The following ATP11B variants were observed in gnomAD, a reference collection of about 807,000 sequenced individuals.
ATP11B encodes the protein phospholipid-transporting ATPase IF.
A neutral mutation model predicts 157.8 loss-of-function variants in ATP11B; 81 were observed. The ratio of observed to expected loss-of-function variants is 0.51; its 90% confidence interval spans 0.43 to 0.62. ATP11B has a LOEUF of 0.62. Ranked by LOEUF, ATP11B falls within the 20% of genes least tolerant of loss-of-function variation. The pLI is 0.00. For missense variants in ATP11B, 1,165 were observed against 1,402.2 expected (o/e 0.83, Z 2.70); for synonymous variants, 451 against 469.4 (o/e 0.96, Z 0.51).
In ATP11B at chr3:182,866,295, G is replaced by A; in HGVS notation, c.1471G>A (p.Ala491Thr). The A allele has an allele frequency of 1.3e-6, 2 of 1,590,430 alleles. No individual in the cohort carries two copies. Among genetic ancestry groups the A allele is most frequent in the Admixed American group, 1.7e-5 (1 of 57,584 alleles). ...TAAAGAACATGATCTCTTCTTTAAA[G>A]CAGTCAGTCTCTGTCACACTGTACA... ...LIKEHDLFFK[A>T]VSLCHTVQIS... The change falls in exon 14 of 30, where the codon GCA (alanine) becomes ACA (threonine). Residue 491 changes from alanine (A) to threonine (T), a missense_variant. By Grantham distance (58) the Ala-to-Thr change is moderately conservative (BLOSUM62 0). Transcript: ENST00000323116.
At position 182,884,848 on chromosome 3, in the gene ATP11B, C is replaced by A; in HGVS notation, c.2605C>A (p.His869Asn). The A allele has an allele frequency of 6.4e-7, 1 of 1,567,184 alleles. No homozygotes were observed. The highest frequency in any genetic ancestry group is 1.1e-5 in the South Asian group (1 of 87,466). ...FLSKLLFVHGHFYYIRIATLV... is the reference protein window; with the variant it reads ...FLSKLLFVHGNFYYIRIATLV... The stretch of plus-strand genomic sequence containing the variant: ...CTCCAAATTGCTTTTTGTTCATGGT[C>A]ATTTTTATTATATTAGAATAGCTAC... The change falls in exon 22 of 30, where the codon CAT becomes AAT. Residue 869 changes from histidine to asparagine, a missense_variant. By Grantham distance (68) the His-to-Asn change is moderately conservative (BLOSUM62 1). Coordinates refer to ENST00000323116, the MANE Select transcript of ATP11B (RefSeq NM_014616.3).
At position 182,920,495 on chromosome 3, in the gene ATP11B, ATTTC is replaced by A. The variant is rs1037072216; in HGVS notation, c.*2395_*2398del. 6.6e-6 allele frequency: 1 copy of A among 152,234 alleles called. No homozygotes were observed. The highest frequency in any genetic ancestry group is 2.4e-5 in the African/African-American group (1 of 41,466). The allele number at this position is 152,234 out of a possible 1,614,324, so 9.4% of individuals were successfully genotyped here. A position where few individuals can be genotyped will look rare whatever the true frequency, so the allele number is the denominator to read the frequency against. ...CACAAGGAAAGTGTCCCCTTTGCAT[ATTTC>A]TTTAAAATTCTTTCTTTGGAAAGTA... On this transcript the variant is annotated 3_prime_UTR_variant, in exon 30 of 30. Coordinates refer to ENST00000323116, the MANE Select transcript of ATP11B (RefSeq NM_014616.3).
At chr3:182,805,640 T>A (rs1441529403) in intron 1 of ATP11B, among the ~76,000 whole-genome samples, 3 of 151,170 alleles carry the variant, frequency 2.0e-5, no homozygotes, top group Admixed American at 6.6e-5. Flanking sequence ...TTTTTTTTTT[T>A]AGTAATGATG....
At chr3:182,817,824 C>T (rs1266960618) in intron 1 of ATP11B, among the ~76,000 whole-genome samples, 2 of 151,636 alleles carry the variant, frequency 1.3e-5, no homozygotes, top group African/African-American at 4.9e-5. Flanking sequence ...TTTAGATGTA[C>T]ATAAATTCTG....
chr3:182,912,877 G>A (rs1270996983), intron 28 of ATP11B, among the ~76,000 whole-genome samples: 5 of 151,946 alleles, frequency 3.3e-5, no homozygotes. Flanking sequence ...TGTTATATAT[G>A]TAAAAGAAGG....
In ATP11B at chr3:182,913,881, T is replaced by C; in HGVS notation, c.3339T>C (p.Gly1113=). 6.2e-7 allele frequency: 1 copy of C among 1,614,130 alleles called. No individual in the cohort carries two copies. Among genetic ancestry groups the C allele is most frequent in the Non-Finnish European group, 8.5e-7 (1 of 1,179,970 alleles). Reference sequence around the variant, plus strand: ...CGCAGCTTACTGAAACAAATGCAGGTATCAAGTGCTTGGACTCCATGTGCT... The same window carrying C: ...CGCAGCTTACTGAAACAAATGCAGGCATCAAGTGCTTGGACTCCATGTGCT... The part of the protein sequence containing the change: ...EKAQLTETNA[G]IKCLDSMCCF... The change falls in exon 29 of 30, where the codon GGT becomes GGC. Residue 1113 remains glycine, a synonymous_variant. Transcript: ENST00000323116.
intron 11 of ATP11B, among the ~76,000 whole-genome samples, chr3:182,858,558 A>C (rs1720599430): frequency 6.6e-6 from 1 of 152,204 alleles, no homozygotes; most frequent in Non-Finnish European, 1.5e-5. Flanking sequence ...TTGTATTGGA[A>C]GACAAATTTG....
intron 1 of ATP11B, among the ~76,000 whole-genome samples, chr3:182,795,034 CAA>C (rs10582019): frequency 0.13 from 18,288 of 139,030 alleles, 1,247 homozygotes; most frequent in African/African-American, 0.19. Flanking sequence ...GCATCATTCT[CAA>C]AAAAAAAAAA....
intron 23 of ATP11B, among the ~76,000 whole-genome samples, chr3:182,886,439 A>C (rs1042687659): frequency 6.6e-6 from 1 of 152,114 alleles, no homozygotes; most frequent in Non-Finnish European, 1.5e-5. Context: ...TTTATCTCAG[A>C]AGCTACCTTT....
chr3:182,809,270 A>C (rs537127435), intron 1 of ATP11B, among the ~76,000 whole-genome samples: 2 of 151,786 alleles, frequency 1.3e-5, no homozygotes, highest in South Asian at 4.2e-4. Context: ...TTTTATTGAG[A>C]CAGACTTTTG....
In ATP11B at chr3:182,891,380, C is replaced by A. The variant is rs971628318; in HGVS notation, c.2982+1832C>A. The stretch of plus-strand genomic sequence containing the variant: ...GAAAAAGTATAAAGAAAATAAATCA[C>A]ATGGTGGCCCTCTACCCAGATATTA... On this transcript the variant is annotated intron_variant, in intron 25 of 29. Coordinates refer to ENST00000323116, the MANE Select transcript of ATP11B (RefSeq NM_014616.3). 1.3e-5 allele frequency among the ~76,000 whole-genome samples: 2 copies of A among 152,264 alleles called. 1 individual carries two copies. Among genetic ancestry groups the A allele is most frequent in the Middle Eastern group, 6.8e-3 (2 of 294 alleles).
intron 10 of ATP11B, among the ~76,000 whole-genome samples, chr3:182,854,847 G>T (rs922544070): frequency 6.6e-6 from 1 of 150,508 alleles, no homozygotes; most frequent in African/African-American, 2.5e-5. Context: ...AAAAAAAATG[G>T]GCAAAAGGTG....
chr3:182,858,077 C>G (rs1376054718), intron 11 of ATP11B, 49 bp downstream of exon 11: 8 of 1,517,678 alleles, frequency 5.3e-6, no homozygotes, highest in Non-Finnish European at 7.3e-6. Flanking sequence ...TATTACTTGG[C>G]ACGATTAGTG....
intron 29 of ATP11B, chr3:182,915,125 A>G (rs755400569): frequency 1.9e-5 from 19 of 984,978 alleles, no homozygotes; most frequent in Middle Eastern, 1.0e-3. Flanking sequence ...GATGAGTATG[A>G]TATCATTCAT....
rs149751856 is a variant in ATP11B at position 182,802,636 on chromosome 3, G to A, written c.27+8850G>A. On this transcript the variant is annotated intron_variant, in intron 1 of 29. Coordinates refer to ENST00000323116, the MANE Select transcript of ATP11B (RefSeq NM_014616.3). ...TTTCAAGTCTTTATTCAAATATTGC[G>A]TTATTCATGAGTGAAGCTTTTTCCA... 5.9e-3 allele frequency among the ~76,000 whole-genome samples: 898 copies of A among 152,110 alleles called. 4 individuals carry two copies. The highest frequency in any genetic ancestry group is 8.7e-3 in the Non-Finnish European group (592 of 68,002).
In ATP11B at chr3:182,898,787, T is replaced by C; in HGVS notation, c.3318+15T>C. The stretch of plus-strand genomic sequence containing the variant: ...AAAAGGCACAGGTAACCACTTTTTA[T>C]AATAAATTCAATATCTTTTTAGTTA... On this transcript the variant is annotated intron_variant, in intron 28 of 29. Coordinates refer to ENST00000323116, the MANE Select transcript of ATP11B (RefSeq NM_014616.3). 1 of 1,463,582 alleles carries C rather than the reference T, an allele frequency of 6.8e-7. No individual in the cohort carries two copies. Among genetic ancestry groups the C allele is most frequent in the Non-Finnish European group, 9.1e-7 (1 of 1,102,720 alleles). 90.7% of individuals were successfully genotyped at this position (1,463,582 alleles called of 1,614,324 possible). A position where few individuals can be genotyped will look rare whatever the true frequency, so the allele number is the denominator to read the frequency against.
At chr3:182,873,616 CCAGA>C (rs1438339537) in intron 18 of ATP11B, among the ~76,000 whole-genome samples, 192 bp from the exon 19 acceptor site, 2 of 152,120 alleles carry the variant, frequency 1.3e-5, no homozygotes, top group East Asian at 1.9e-4. Flanking sequence ...TTTGTGTTAA[CCAGA>C]CAATTACCAA....
At chr3:182,878,229 G>A (rs1722179093) in intron 19 of ATP11B, among the ~76,000 whole-genome samples, 1 of 152,176 alleles carries the variant, frequency 6.6e-6, no homozygotes, top group Non-Finnish European at 1.5e-5. Flanking sequence ...GAAAGACATT[G>A]CTTTAACTTA....
chr3:182,901,425 G>A (rs72622602), intron 28 of ATP11B, among the ~76,000 whole-genome samples: 51,784 of 150,446 alleles, frequency 0.34, 10,421 homozygotes, highest in East Asian at 0.56. Context: ...TGCTTGTTTC[G>A]GATTTCAGAT....
Sources: gnomAD v4.1 joint callset for allele counts (sites outside exome capture counted in the v4.1 genomes callset) on GRCh38, gnomAD v4.1.1 for gene constraint, MANE v1.5 for transcripts, NCBI Gene and HGNC (gene_info 2026-07-23, HGNC 2026-07-21) for gene names.